ATCAY: variants seen among roughly 807,000 people sequenced by gnomAD.
ATCAY encodes caytaxin.
A neutral mutation model predicts 47.7 loss-of-function variants in ATCAY; 22 were observed. The ratio of observed to expected loss-of-function variants is 0.46; its 90% CI spans 0.33 to 0.66. The LOEUF is 0.66. ATCAY is among the 30% of genes least tolerant of loss of function. The pLI is 0.02. For synonymous variants in ATCAY, 216 were observed against 207.6 expected (o/e 1.04, Z -0.35); for missense variants, 452 against 515.0 (o/e 0.88, Z 1.18).
At chr19:3,905,079 G>A (rs530683935) in intron 3 of ATCAY, among the ~76,000 whole-genome samples, 10 of 152,146 alleles carry the variant, frequency 6.6e-5, no homozygotes, top group South Asian at 4.2e-4. Context: ...GGCTGGTCTC[G>A]AACTCCTGAC....
intron 2 of ATCAY, chr19:3,895,238 C>T (rs921340726): frequency 2.4e-5 from 11 of 452,502 alleles, no homozygotes; most frequent in Middle Eastern, 3.3e-4. Flanking sequence ...GTTTTTGAGA[C>T]GGAGTCTCAC....
Position 3,905,421 on chromosome 19 carries a change from C to T in ATCAY, c.137-13C>T, listed in dbSNP as rs1302086555. 1 of 1,578,104 alleles carries T rather than the reference C, an allele frequency of 6.3e-7. No individual in the cohort carries two copies. Among genetic ancestry groups the T allele is most frequent in the Non-Finnish European group, 8.6e-7 (1 of 1,161,200 alleles). ...AAGCAAAGATGTTTTCCATTTTTCT[C>T]ATTTCCCTGCAGCTCCTCCCAACAC... On this transcript the variant is annotated splice_polypyrimidine_tract_variant and intron_variant, in intron 3 of 12. Coordinates refer to ENST00000450849, the MANE Select transcript of ATCAY (RefSeq NM_033064.5).
At chr19:3,896,235 A>G (rs1422617281) in intron 2 of ATCAY, among the ~76,000 whole-genome samples, 1 of 147,798 alleles carries the variant, frequency 6.8e-6, no homozygotes, top group South Asian at 2.2e-4. Flanking sequence ...ATCTGTGTGG[A>G]CCATCCAATG....
chr19:3,912,989 T>G (rs1236256693), intron 8 of ATCAY, among the ~76,000 whole-genome samples: 1 of 151,486 alleles, frequency 6.6e-6, no homozygotes, highest in Non-Finnish European at 1.5e-5. Context: ...CATTCATCCC[T>G]GAAAAACAGA....
At chr19:3,919,922 T>G (rs1239698254) in intron 11 of ATCAY, among the ~76,000 whole-genome samples, 1 of 152,208 alleles carries the variant, frequency 6.6e-6, no homozygotes, top group African/African-American at 2.4e-5. Context: ...GTGAAGGGCC[T>G]TGGCCAATTT....
intron 2 of ATCAY, among the ~76,000 whole-genome samples, chr19:3,890,561 C>A (rs1467836552): frequency 2.0e-5 from 3 of 152,134 alleles, no homozygotes. Context: ...CCACACCCGG[C>A]CTCCACCGAT....
chr19:3,905,884 G>C (rs1268578887), intron 4 of ATCAY, among the ~76,000 whole-genome samples: 2 of 151,968 alleles, frequency 1.3e-5, no homozygotes, highest in African/African-American at 2.4e-5. Context: ...TTAAAAAAGA[G>C]AGAGGTGGCT....
chr19:3,917,610 A>AT, intron 9 of ATCAY, 132 bp from the exon 10 acceptor site: 4 of 501,248 alleles, frequency 8.0e-6, no homozygotes, highest in Non-Finnish European at 1.3e-5. Context: ...AAAAAAAAAA[A>AT]GGAAGAAGAA....
chr19:3,927,064 T>C lies in ATCAY; in HGVS notation c.*2472T>C, dbSNP rs2039073194. 6.6e-6 allele frequency: 1 copy of C among 151,854 alleles called. No homozygotes were observed. The highest frequency in any genetic ancestry group is 2.4e-5 in the African/African-American group (1 of 41,286). 9.4% of individuals were successfully genotyped at this position (151,854 alleles called of 1,614,324 possible). Reference sequence around the variant, plus strand: ...GGTGAAACCCCATCTCTACTAAAAATACAAAAATTAGCTGGGTGTGGTGGC... The same window carrying C: ...GGTGAAACCCCATCTCTACTAAAAACACAAAAATTAGCTGGGTGTGGTGGC... On this transcript the variant is annotated 3_prime_UTR_variant, in exon 13 of 13. Coordinates refer to ENST00000450849, the MANE Select transcript of ATCAY (RefSeq NM_033064.5).
intron 5 of ATCAY, 113 bp from the exon 6 acceptor site, chr19:3,908,155 C>A: frequency 9.2e-7 from 1 of 1,081,460 alleles, no homozygotes; most frequent in Non-Finnish European, 1.4e-6. Context: ...TGCTGTGGCT[C>A]GGAGCCATGC....
chr19:3,906,870 A>G (rs4807526), intron 4 of ATCAY, among the ~76,000 whole-genome samples: 68,813 of 151,586 alleles, frequency 0.45, 16,778 homozygotes, highest in African/African-American at 0.65. Flanking sequence ...AGGCGCAGTG[A>G]CTCACGCCTG....
Position 3,900,965 on chromosome 19 carries a change from G to A in ATCAY, c.78-1522G>A, listed in dbSNP as rs113096747. On this transcript the variant is annotated intron_variant, in intron 2 of 12. Coordinates refer to ENST00000450849, the MANE Select transcript of ATCAY (RefSeq NM_033064.5). ...GGCCCAGGCTGGAGTGCAGTGGCACGATCTCGGCTCACTGCAAGCTCCGCC... is the reference window on the plus strand; with the variant it reads ...GGCCCAGGCTGGAGTGCAGTGGCACAATCTCGGCTCACTGCAAGCTCCGCC... 7.9e-3 allele frequency among the ~76,000 whole-genome samples: 1,067 copies of A among 134,834 alleles called. 11 individuals are homozygous for A. Among genetic ancestry groups the A allele is most frequent in the African/African-American group, 0.029 (1,005 of 34,674 alleles). 88.5% of individuals were successfully genotyped at this position (134,834 alleles called of 152,430 possible). A position where few individuals can be genotyped will look rare whatever the true frequency, so the allele number is the denominator to read the frequency against.
At chr19:3,887,509 C>CA (rs2038669047) in intron 2 of ATCAY, among the ~76,000 whole-genome samples, 1 of 150,248 alleles carries the variant, frequency 6.7e-6, no homozygotes, top group African/African-American at 2.4e-5. Flanking sequence ...ATTTTTGAGA[C>CA]AGAGTGTCGC....
chr19:3,911,716 T>C (rs1000779589), intron 8 of ATCAY, among the ~76,000 whole-genome samples: 4 of 152,144 alleles, frequency 2.6e-5, no homozygotes, highest in Non-Finnish European at 4.4e-5. Flanking sequence ...TAAAATGTCA[T>C]GCAAATTTAA....
At chr19:3,913,627 C>T (rs1338994277) in intron 8 of ATCAY, 131 bp from the exon 9 acceptor site, 4 of 655,180 alleles carry the variant, frequency 6.1e-6, no homozygotes, top group African/African-American at 1.8e-5. Flanking sequence ...AGGGAGGTGT[C>T]GTCGTCTGCA....
intron 3 of ATCAY, among the ~76,000 whole-genome samples, chr19:3,903,057 T>G (rs1024674505): frequency 2.0e-5 from 3 of 152,114 alleles, no homozygotes; most frequent in African/African-American, 7.2e-5. Flanking sequence ...CACTGCAGCC[T>G]CAACCTCCAG....
intron 1 of ATCAY, among the ~76,000 whole-genome samples, chr19:3,883,781 A>G (rs1163455651): frequency 2.0e-5 from 3 of 152,228 alleles, no homozygotes; most frequent in Admixed American, 1.3e-4. Context: ...CTGGTATGTT[A>G]TGTCCAAAAG....
In ATCAY at chr19:3,918,857, G is replaced by A. The variant is rs369876142; in HGVS notation, c.1053G>A (p.Glu351=). The A allele has an allele frequency of 1.6e-3, 2,507 of 1,614,030 alleles. 3 individuals carry two copies. Among genetic ancestry groups the A allele is most frequent in the Admixed American group, 3.3e-3 (196 of 60,022 alleles). Residue 351 remains glutamate (E), a synonymous_variant, in exon 11 of 13, where the codon GAG becomes GAA. Coordinates refer to ENST00000450849, the MANE Select transcript of ATCAY (RefSeq NM_033064.5). ...TGCCCAGGTCTGAAGAGAAGCCAGA[G>A]GTGGCACCAGTGGAAAACAGGTAGG... ...FVLPRSEEKP[E]VAPVENRSAL...
chr19:3,881,871 C>CCT (rs1555765196), intron 1 of ATCAY, among the ~76,000 whole-genome samples: 1 of 144,840 alleles, frequency 6.9e-6, no homozygotes. Flanking sequence ...CCACCGCCCC[C>CCT]CCCCCGACCC....
Sources: allele counts gnomAD v4.1 joint callset (sites outside exome capture counted in the v4.1 genomes callset), GRCh38; gene constraint gnomAD v4.1.1; transcripts MANE v1.5; gene names NCBI Gene and HGNC (gene_info 2026-07-23, HGNC 2026-07-21).